The following RERE variants were observed in gnomAD, a reference collection of about 807,000 sequenced individuals.
RERE encodes arginine-glutamic acid dipeptide repeats protein.
In RERE, 40 loss-of-function variants were observed where a neutral mutation model predicts 146.1. The observed-to-expected ratio is 0.27, with a 90% CI of 0.21 to 0.36. The LOEUF is 0.36. Among genes scored for constraint, RERE ranks in the 10% least tolerant of loss-of-function variants. The probability of loss-of-function intolerance (pLI) is 1.00; values close to 1 mark genes in which losing one functional copy is unlikely to be tolerated. For synonymous variants in RERE, 1,003 were observed against 866.0 expected (o/e 1.16, Z -2.78); for missense variants, 1,933 against 2,138.7 (o/e 0.90, Z 1.90).
At chr1:8,385,487 G>A (rs551530190) in intron 12 of RERE, among the ~76,000 whole-genome samples, 1 of 152,224 alleles carries the variant, frequency 6.6e-6, no homozygotes, top group Non-Finnish European at 1.5e-5. Context: ...GGCTACCACG[G>A]AGTTTTAAAT....
chr1:8,495,027 G>T (rs1645027857), intron 10 of RERE, 36 bp downstream of exon 10: 1 of 1,424,324 alleles, frequency 7.0e-7, no homozygotes, highest in Admixed American at 1.7e-5. Flanking sequence ...GGAAAAAGAA[G>T]TGTCTTCCCA....
chr1:8,418,253 TAGTA>T (rs1188685889), intron 12 of RERE, among the ~76,000 whole-genome samples: 1 of 152,230 alleles, frequency 6.6e-6, no homozygotes, highest in Non-Finnish European at 1.5e-5. Flanking sequence ...GTTTCCAGTG[TAGTA>T]AGTGTCAATG....
intron 1 of RERE, among the ~76,000 whole-genome samples, chr1:8,801,394 T>C (rs938843844): frequency 9.2e-5 from 14 of 152,038 alleles, no homozygotes; most frequent in African/African-American, 3.4e-4. Context: ...CTCAGCCTCC[T>C]GAGTAGCTAG....
chr1:8,384,804 C>T (rs2124413357), intron 12 of RERE, among the ~76,000 whole-genome samples: 1 of 152,358 alleles, frequency 6.6e-6, no homozygotes, highest in South Asian at 2.1e-4. Context: ...AACTTTCTGT[C>T]TCCTGCTGTG....
At chr1:8,580,001 C>A (rs908270161) in intron 4 of RERE, among the ~76,000 whole-genome samples, 1 of 152,076 alleles carries the variant, frequency 6.6e-6, no homozygotes, top group Admixed American at 6.5e-5. Context: ...AAGACTCCAT[C>A]TCAAAAAAGA....
At chr1:8,640,543 T>C (rs1647163440) in intron 2 of RERE, among the ~76,000 whole-genome samples, 1 of 152,214 alleles carries the variant, frequency 6.6e-6, no homozygotes, top group Non-Finnish European at 1.5e-5. Flanking sequence ...AAAACACATT[T>C]AGGGGTTAAA....
intron 1 of RERE, among the ~76,000 whole-genome samples, chr1:8,694,377 A>G (rs772259868): frequency 7.9e-5 from 12 of 152,208 alleles, no homozygotes; most frequent in Non-Finnish European, 1.6e-4. Flanking sequence ...CCTATTTATA[A>G]TAGCCATAAA....
At chr1:8,585,149 A>AAG (rs1001324893) in intron 4 of RERE, among the ~76,000 whole-genome samples, 6 of 151,226 alleles carry the variant, frequency 4.0e-5, no homozygotes, top group African/African-American at 1.5e-4. Flanking sequence ...TCCATCTCAA[A>AAG]AAAAAAAAAA....
chr1:8,621,394 G>A (rs562410666), intron 3 of RERE, among the ~76,000 whole-genome samples: 2 of 152,162 alleles, frequency 1.3e-5, no homozygotes, highest in South Asian at 4.1e-4. Flanking sequence ...TTCTAGCCTC[G>A]GTGACTGGCG....
intron 1 of RERE, among the ~76,000 whole-genome samples, chr1:8,713,358 C>CA (rs1229595578): frequency 1.3e-5 from 2 of 151,890 alleles, no homozygotes; most frequent in Non-Finnish European, 2.9e-5. Context: ...CAAATTCTTG[C>CA]AAAAAAGGCA....
At chr1:8,454,978 T>C (rs1000085708) in intron 11 of RERE, among the ~76,000 whole-genome samples, 1 of 151,934 alleles carries the variant, frequency 6.6e-6, no homozygotes, top group Non-Finnish European at 1.5e-5. Context: ...ACCAGGCCTG[T>C]TTTTCCTGCT....
Position 8,491,251 on chromosome 1 carries a change from A to G in RERE, c.1104+3812T>C, listed in dbSNP as rs60776759. Among the ~76,000 whole-genome samples the G allele has an allele frequency of 2.9e-3, 418 of 143,272 alleles. 19 individuals are homozygous for G. The highest frequency in any genetic ancestry group is 0.012 in the African/African-American group (390 of 33,120). The allele number at this position is 143,272 out of a possible 152,430, so 94.0% of individuals were successfully genotyped here. ...AGATCGGGAGTTCGAGACCAGCCTG[A>G]CCAACATGGCGAAACCCTGTCTCTA... is the stretch of plus-strand genomic sequence containing the variant. On this transcript the variant is annotated intron_variant, in intron 10 of 22. Transcript: ENST00000400908.
At chr1:8,376,474 G>A (rs551077195) in intron 12 of RERE, among the ~76,000 whole-genome samples, 103 of 152,240 alleles carry the variant, frequency 6.8e-4, no homozygotes, top group African/African-American at 2.4e-3. Context: ...CTATAGAAAC[G>A]CTTTCTGCTT....
chr1:8,539,413 CT>C, intron 7 of RERE, among the ~76,000 whole-genome samples: 3 of 144,716 alleles, frequency 2.1e-5, no homozygotes, highest in East Asian at 4.1e-4. Flanking sequence ...TTTTTTTTTT[CT>C]TTTTTTCTCG....
chr1:8,452,913 T>C (rs530958067), intron 11 of RERE, among the ~76,000 whole-genome samples: 2 of 152,346 alleles, frequency 1.3e-5, no homozygotes, highest in African/African-American at 4.8e-5. Flanking sequence ...CGTAACGGAA[T>C]GCCTGAGTGC....
At chr1:8,386,004 ATATATATATATATATATATTTTTTTTTT>A (rs1296467588) in intron 12 of RERE, among the ~76,000 whole-genome samples, 11 of 35,224 alleles carry the variant, frequency 3.1e-4, no homozygotes, top group Non-Finnish European at 2.7e-4. Context: ...ATATATATAT[ATATATATATATATATATATTTTTTTTTT>A]TTTTTTTTTT....
intron 1 of RERE, among the ~76,000 whole-genome samples, chr1:8,776,545 G>T (rs932404875): frequency 1.3e-5 from 2 of 152,134 alleles, no homozygotes; most frequent in African/African-American, 4.8e-5. Context: ...TGATCTGCCC[G>T]GCTTGGCCTC....
At chr1:8,428,398 C>T (rs1474529967) in intron 11 of RERE, 4 of 152,148 alleles carry the variant, frequency 2.6e-5, no homozygotes, top group Non-Finnish European at 5.9e-5. Flanking sequence ...CAGGTGAGAT[C>T]CAAATATAAA....
At chr1:8,436,275 T>G (rs1355688109) in intron 11 of RERE, among the ~76,000 whole-genome samples, 1 of 152,158 alleles carries the variant, frequency 6.6e-6, no homozygotes, top group Non-Finnish European at 1.5e-5. Flanking sequence ...GCTGAGATTG[T>G]GCCACTGCAC....
Sources: allele counts gnomAD v4.1 joint callset (sites outside exome capture counted in the v4.1 genomes callset), GRCh38; gene constraint gnomAD v4.1.1; transcripts MANE v1.5; gene names NCBI Gene and HGNC (gene_info 2026-07-23, HGNC 2026-07-21).